The following TPRG1 variants were observed in gnomAD, a reference collection of about 807,000 sequenced individuals.
TPRG1 encodes tumor protein p63-regulated gene 1 protein.
A neutral mutation model predicts 29.3 loss-of-function variants in TPRG1; 29 were observed. That is an observed-to-expected ratio of 0.99 (90% confidence interval 0.74 to 1.35). The LOEUF is 1.35. Ranked by LOEUF, TPRG1 falls within the 40% of genes most tolerant of loss-of-function variation. The probability of loss-of-function intolerance (pLI) is 0.00; values close to 1 mark genes in which losing one functional copy is unlikely to be tolerated. For missense variants in TPRG1, 327 were observed against 335.0 expected, an observed-to-expected ratio of 0.98 and a Z score of 0.19; for synonymous variants, 130 against 116.8, an observed-to-expected ratio of 1.11 and a Z score of -0.73.
At chr3:189,130,420 C>T (rs1722977789) in intron 2 of TPRG1, among the ~76,000 whole-genome samples, 1 of 152,200 alleles carries the variant, frequency 6.6e-6, no homozygotes, top group South Asian at 2.1e-4. Context: ...CTTCTATTCT[C>T]AGTGCTTTCT....
At chr3:189,202,112 C>T (rs1733595629) in intron 1 of TPRG1, among the ~76,000 whole-genome samples, 1 of 152,148 alleles carries the variant, frequency 6.6e-6, no homozygotes, top group South Asian at 2.1e-4. Context: ...AAAAAGCTCT[C>T]AGGGTAGTTA....
At chr3:189,186,199 T>C (rs1200469400) in intron 1 of TPRG1, among the ~76,000 whole-genome samples, 1 of 152,240 alleles carries the variant, frequency 6.6e-6, no homozygotes, top group Non-Finnish European at 1.5e-5. Flanking sequence ...TCCAGAAAGC[T>C]ATGACTGGGT....
intron 1 of TPRG1, among the ~76,000 whole-genome samples, chr3:189,109,802 C>T (rs1433020301): frequency 6.6e-6 from 1 of 152,178 alleles, no homozygotes; most frequent in East Asian, 1.9e-4. Flanking sequence ...ACATTTCTCT[C>T]ACTCCCCTAA....
chr3:189,272,203 G>A (rs959321062), intron 4 of TPRG1, among the ~76,000 whole-genome samples: 1 of 152,132 alleles, frequency 6.6e-6, no homozygotes, highest in Non-Finnish European at 1.5e-5. Flanking sequence ...TGTAATGCAA[G>A]CATCTATTAT....
At chr3:189,251,927 T>TC (rs1742333228) in intron 4 of TPRG1, among the ~76,000 whole-genome samples, 1 of 152,148 alleles carries the variant, frequency 6.6e-6, no homozygotes, top group Non-Finnish European at 1.5e-5. Context: ...TTTATGGGTG[T>TC]CCGGCTGGGG....
chr3:189,179,402 T>A (rs936659114), intron 1 of TPRG1, among the ~76,000 whole-genome samples: 1 of 152,206 alleles, frequency 6.6e-6, no homozygotes, highest in Admixed American at 6.5e-5. Context: ...GAGTGACATA[T>A]AAACCTTGTC....
At chr3:189,311,166 C>T (rs1722422255) in intron 5 of TPRG1, among the ~76,000 whole-genome samples, 1 of 152,118 alleles carries the variant, frequency 6.6e-6, no homozygotes, top group South Asian at 2.1e-4. Context: ...GCATCTAAAG[C>T]AGAACGGGGG....
chr3:189,223,693 C>T (rs1737268255), intron 3 of TPRG1, among the ~76,000 whole-genome samples: 1 of 152,182 alleles, frequency 6.6e-6, no homozygotes, highest in South Asian at 2.1e-4. Context: ...TACAAGCTAT[C>T]TGGCCATGGT....
intron 1 of TPRG1, among the ~76,000 whole-genome samples, chr3:189,110,075 C>T (rs995980197): frequency 2.0e-5 from 3 of 152,140 alleles, no homozygotes; most frequent in Non-Finnish European, 2.9e-5. Context: ...CTGCTATAAA[C>T]ATTAGCATAC....
intron 4 of TPRG1, among the ~76,000 whole-genome samples, chr3:189,058,467 A>G (rs16863935): frequency 0.031 from 4,689 of 152,308 alleles, 224 homozygotes; most frequent in African/African-American, 0.11. Context: ...CACCAAACAC[A>G]CAACCTAATT....
At chr3:189,057,852 A>G (rs903807471) in intron 4 of TPRG1, among the ~76,000 whole-genome samples, 2 of 111,112 alleles carry the variant, frequency 1.8e-5, no homozygotes, top group Non-Finnish European at 3.3e-5. Flanking sequence ...GTGTGTATAT[A>G]TATACACACA....
chr3:189,169,420 C>T (rs1470204871), upstream of TPRG1, among the ~76,000 whole-genome samples: 7 of 152,208 alleles, frequency 4.6e-5, no homozygotes, highest in African/African-American at 1.7e-4. Context: ...TCACCTCGGC[C>T]TCCCAAAGTG....
rs1192750941 is a variant in TPRG1 at position 189,262,247 on chromosome 3, TATAA to T, written c.479+23339_479+23342del. 5.4e-3 allele frequency among the ~76,000 whole-genome samples: 808 copies of T among 150,494 alleles called. 12 individuals are homozygous for T. The highest frequency in any genetic ancestry group is 0.019 in the African/African-American group (780 of 40,826). ...GTATAAGTATAAGTATAAGTATAAG[TATAA>T]GTATAAGACTTGGTAGAAGTATATG... is the stretch of plus-strand genomic sequence containing the variant. On this transcript the variant is annotated intron_variant, in intron 4 of 5. Transcript: ENST00000345063.
chr3:189,091,084 TTG>T (rs1423295134), intron 4 of TPRG1, among the ~76,000 whole-genome samples: 4 of 152,104 alleles, frequency 2.6e-5, no homozygotes, highest in African/African-American at 9.7e-5. Context: ...CATTGACTTA[TTG>T]TAGGGATTAA....
At chr3:189,144,820 G>A (rs139066274) in intron 3 of TPRG1, among the ~76,000 whole-genome samples, 2 of 152,328 alleles carry the variant, frequency 1.3e-5, no homozygotes, top group East Asian at 3.9e-4. Context: ...AGCAGGATGA[G>A]GAAGTTTTAG....
In TPRG1 at chr3:189,057,259, A is replaced by G. The variant is rs1715760291; in HGVS notation, c.-463+33313A>G. On this transcript the variant is annotated intron_variant, in intron 4 of 10. Transcript: ENST00000433971. Reference sequence around the variant, plus strand: ...CCAGCACATGATGTATGCTTCAGCCATGAGGTGCTTGCTCACGTTTGCATT... The same window carrying G: ...CCAGCACATGATGTATGCTTCAGCCGTGAGGTGCTTGCTCACGTTTGCATT... Among the ~76,000 whole-genome samples the G allele has an allele frequency of 2.0e-5, 3 of 152,224 alleles. No homozygotes were observed. In the South Asian group the frequency reaches 6.2e-4, roughly 31 times the overall value.
chr3:189,145,649 A>G (rs9868629), intron 3 of TPRG1, among the ~76,000 whole-genome samples: 49,877 of 152,112 alleles, frequency 0.33, 8,523 homozygotes, highest in Admixed American at 0.45. Flanking sequence ...CTTGGCACAC[A>G]TTTTCAATAA....
At chr3:189,069,796 A>T (rs1221245185) in intron 4 of TPRG1, among the ~76,000 whole-genome samples, 2 of 152,214 alleles carry the variant, frequency 1.3e-5, no homozygotes, top group Non-Finnish European at 2.9e-5. Flanking sequence ...ATACTATGGA[A>T]TACTACTCCA....
At chr3:189,218,713 G>C (rs1451086241) in intron 3 of TPRG1, among the ~76,000 whole-genome samples, 2 of 152,206 alleles carry the variant, frequency 1.3e-5, no homozygotes, top group Admixed American at 1.3e-4. Context: ...AACATGAAGT[G>C]CCCAAATGAA....
Sources: gnomAD v4.1 joint callset for allele counts (sites outside exome capture counted in the v4.1 genomes callset) on GRCh38, gnomAD v4.1.1 for gene constraint, MANE v1.5 for transcripts, NCBI Gene and HGNC (gene_info 2026-07-23, HGNC 2026-07-21) for gene names.